Variants in ASXL3 observed in about 807,000 individuals in gnomAD.
ASXL3 encodes ASXL transcriptional regulator 3, also known as putative Polycomb group protein ASXL3.
Under a neutral mutation model 170.6 loss-of-function variants are expected in ASXL3, and 34 were observed. The observed-to-expected ratio is 0.20, with a 90% CI of 0.15 to 0.27. The LOEUF is 0.27. ASXL3 is among the 10% of genes least tolerant of loss of function. The pLI, the probability that ASXL3 is intolerant of heterozygous loss-of-function variation, is 1.00. For missense variants in ASXL3, 2,592 were observed against 2,695.3 expected, an observed-to-expected ratio of 0.96 and a Z score of 0.85; for synonymous variants, 1,002 against 989.1, an observed-to-expected ratio of 1.01 and a Z score of -0.24.
intron 11 of ASXL3, 60 bp from the exon 12 acceptor site, chr18:33,742,828 G>A (rs1000924180): frequency 1.4e-5 from 21 of 1,506,788 alleles, no homozygotes; most frequent in African/African-American, 7.0e-5. Flanking sequence ...CACATTCTAC[G>A]TGCCTCCTCT....
At chr18:33,638,459 C>T (rs1350823015) in intron 2 of ASXL3, among the ~76,000 whole-genome samples, 1 of 152,036 alleles carries the variant, frequency 6.6e-6, no homozygotes, top group Non-Finnish European at 1.5e-5. Flanking sequence ...CAGCCTAGTT[C>T]TTTATATTTG....
chr18:33,631,852 G>T (rs957460852), intron 2 of ASXL3, among the ~76,000 whole-genome samples: 1 of 152,078 alleles, frequency 6.6e-6, no homozygotes, highest in Admixed American at 6.6e-5. Flanking sequence ...CAAGTTTACA[G>T]AATATTTTAA....
chr18:33,732,196 T>G, intron 9 of ASXL3, 132 bp downstream of exon 9: 1 of 498,074 alleles, frequency 2.0e-6, no homozygotes, highest in Non-Finnish European at 3.3e-6. Context: ...TCATATCCCT[T>G]TCCAAATGAG....
chr18:33,745,063 C>G lies in ASXL3; in HGVS notation c.5215C>G (p.Arg1739Gly). The change falls in exon 12 of 12, where the codon CGT becomes GGT. Residue 1739 changes from arginine to glycine, a missense_variant. This residue lies in a region of ASXL3 where 2,246 missense variants were observed against 2,219.6 expected (regional missense o/e 1.01). Coordinates refer to ENST00000269197, the MANE Select transcript of ASXL3 (RefSeq NM_030632.3). ...RVPGAGSSGC[R>G]LSSVEANNPL... ...CCCTGGTGCAGGGAGCTCAGGCTGTCGTCTGTCCTCTGTGGAGGCTAACAA... is the reference window on the plus strand; with the variant it reads ...CCCTGGTGCAGGGAGCTCAGGCTGTGGTCTGTCCTCTGTGGAGGCTAACAA... The G allele has an allele frequency of 6.2e-7, 1 of 1,613,986 alleles. No individual in the cohort carries two copies. The highest frequency in any genetic ancestry group is 8.5e-7 in the Non-Finnish European group (1 of 1,179,890).
Position 33,746,158 on chromosome 18 carries a change from G to T in ASXL3, c.6310G>T (p.Asp2104Tyr). Residue 2104 changes from aspartate to tyrosine, a missense_variant, in exon 12 of 12, where the codon GAC becomes TAC. Coordinates refer to ENST00000269197, the MANE Select transcript of ASXL3 (RefSeq NM_030632.3). ...ACTGGGCATGAAACAAGTTTCCTAT[G>T]ACCAGAATGAAATGAAAGAACAGTT... ...CELGMKQVSY[D>Y]QNEMKEQLKA... The T allele has an allele frequency of 6.2e-7, 1 of 1,613,718 alleles. No individual in the cohort carries two copies. Among genetic ancestry groups the T allele is most frequent in the Non-Finnish European group, 8.5e-7 (1 of 1,179,868 alleles).
chr18:33,659,956 C>T (rs1001737715), intron 4 of ASXL3, among the ~76,000 whole-genome samples: 2 of 152,054 alleles, frequency 1.3e-5, no homozygotes, highest in Non-Finnish European at 2.9e-5. Flanking sequence ...ACTTGTTTCC[C>T]CCTGCCTTTG....
At chr18:33,713,290 C>T (rs1164371859) in intron 8 of ASXL3, among the ~76,000 whole-genome samples, 3 of 101,770 alleles carry the variant, frequency 2.9e-5, no homozygotes, top group South Asian at 7.1e-4. Flanking sequence ...AGGGTCTTAC[C>T]GTCACCCAGG....
At chr18:33,584,252 C>A (rs775706147) in intron 1 of ASXL3, among the ~76,000 whole-genome samples, 25 of 151,964 alleles carry the variant, frequency 1.6e-4, no homozygotes, top group Non-Finnish European at 3.2e-4. Flanking sequence ...TCTAGAAATA[C>A]CAGAAGACTT....
intron 10 of ASXL3, 69 bp from the exon 11 acceptor site, chr18:33,738,418 A>G (rs2145410936): frequency 7.0e-7 from 1 of 1,425,624 alleles, no homozygotes; most frequent in East Asian, 2.4e-5. Context: ...TACTACATTC[A>G]TGAGAGATCC....
intron 5 of ASXL3, among the ~76,000 whole-genome samples, chr18:33,664,931 A>G (rs924656775): frequency 2.0e-5 from 3 of 152,206 alleles, no homozygotes; most frequent in Non-Finnish European, 2.9e-5. Flanking sequence ...CATGAATAAC[A>G]TATTGTTATT....
chr18:33,743,467 A>C lies in ASXL3; in HGVS notation c.3619A>C (p.Ile1207Leu). Residue 1207 changes from isoleucine (I) to leucine (L), a missense_variant, in exon 12 of 12, where the codon ATA becomes CTA. Ile to Leu is a conservative substitution (Grantham distance 5). Transcript: ENST00000269197. ...DLSVHSSDENIPVSHLSEKIV... is the reference protein window; with the variant it reads ...DLSVHSSDENLPVSHLSEKIV... ...ATCTGTGCATAGTTCTGATGAAAAC[A>C]TACCTGTGTCACATTTATCTGAGAA... 6.2e-7 allele frequency: 1 copy of C among 1,613,636 alleles called. No individual in the cohort carries two copies. The highest frequency in any genetic ancestry group is 8.5e-7 in the Non-Finnish European group (1 of 1,179,870).
intron 11 of ASXL3, among the ~76,000 whole-genome samples, chr18:33,741,273 A>AAGAT (rs796353081): frequency 1.8e-4 from 27 of 152,288 alleles, no homozygotes; most frequent in Admixed American, 1.8e-3. Flanking sequence ...ACTTTATGTA[A>AAGAT]AGATAGATAG....
At chr18:33,664,506 T>C (rs538524007) in intron 5 of ASXL3, among the ~76,000 whole-genome samples, 2 of 152,304 alleles carry the variant, frequency 1.3e-5, no homozygotes, top group African/African-American at 2.4e-5. Flanking sequence ...ATTAGAAATA[T>C]GTTGTGATTC....
chr18:33,665,798 C>T (rs531836686), intron 5 of ASXL3, among the ~76,000 whole-genome samples: 2 of 151,670 alleles, frequency 1.3e-5, no homozygotes, highest in South Asian at 2.1e-4. Context: ...TGCAATATGT[C>T]ACTGGAGAAA....
In ASXL3 at chr18:33,743,364, T is replaced by G. The variant is rs181709377; in HGVS notation, c.3516T>G (p.Ser1172=). Residue 1172 remains serine, a synonymous_variant, in exon 12 of 12, where the codon TCT becomes TCG. Transcript: ENST00000269197. ...NPNCRSPSNK[S]AHLRETTTVL... is the part of the protein sequence containing the mutation. ...ACTGTAGATCTCCTAGCAACAAGTCTGCCCACCTCCGGGAGACCACCACTG... is the reference window on the plus strand; with the variant it reads ...ACTGTAGATCTCCTAGCAACAAGTCGGCCCACCTCCGGGAGACCACCACTG... 11 of 1,613,582 alleles carry G rather than the reference T, an allele frequency of 6.8e-6. No homozygotes were observed. In the African/African-American group the frequency reaches 1.2e-4, roughly 18 times the overall value.
chr18:33,746,764 A>T lies in ASXL3; in HGVS notation c.*169A>T, dbSNP rs868221967. The T allele has an allele frequency of 4.4e-6, 5 of 1,126,734 alleles. No homozygotes were observed. In the Middle Eastern group the frequency reaches 9.1e-4, roughly 204 times the overall value. 69.8% of individuals were successfully genotyped at this position (1,126,734 alleles called of 1,614,324 possible). Reference sequence around the variant, plus strand: ...TCTTGCATTTCTCATAAAGGGGAGGATGCATCCCAACTGAATGGCTCACTG... The same window carrying T: ...TCTTGCATTTCTCATAAAGGGGAGGTTGCATCCCAACTGAATGGCTCACTG... On this transcript the variant is annotated 3_prime_UTR_variant, in exon 12 of 12. Coordinates refer to ENST00000269197, the MANE Select transcript of ASXL3 (RefSeq NM_030632.3).
chr18:33,595,208 C>T (rs937849198), intron 1 of ASXL3, among the ~76,000 whole-genome samples: 3 of 151,994 alleles, frequency 2.0e-5, no homozygotes, highest in African/African-American at 7.2e-5. Flanking sequence ...ATAACTTTGC[C>T]CGTGGACTCC....
chr18:33,678,972 G>A (rs972423190), intron 7 of ASXL3, among the ~76,000 whole-genome samples: 10 of 152,114 alleles, frequency 6.6e-5, no homozygotes, highest in African/African-American at 2.4e-4. Context: ...CCTCTCTGAA[G>A]TGTCTTTATT....
At chr18:33,629,099 C>T (rs545659482) in intron 2 of ASXL3, among the ~76,000 whole-genome samples, 1 of 152,152 alleles carries the variant, frequency 6.6e-6, no homozygotes, top group Non-Finnish European at 1.5e-5. Flanking sequence ...AAAACAATCC[C>T]CCCACACGCC....
Sources: allele counts gnomAD v4.1 joint callset (sites outside exome capture counted in the v4.1 genomes callset), GRCh38; gene constraint gnomAD v4.1.1; regional missense constraint gnomAD v4.1.1; transcripts MANE v1.5; gene names NCBI Gene and HGNC (gene_info 2026-07-23, HGNC 2026-07-21).